The following TNNI3K variants were observed in gnomAD, a reference collection of about 807,000 sequenced individuals.
TNNI3K encodes the protein TNNI3 interacting kinase, also known as serine/threonine-protein kinase TNNI3K.
In TNNI3K, 140 loss-of-function variants were observed where a neutral mutation model predicts 114.5. The observed-to-expected ratio is 1.22, with a 90% CI of 1.07 to 1.41. The LOEUF (loss-of-function observed/expected upper bound fraction) is 1.41, where lower values mean the gene tolerates loss of function less well. Ranked by LOEUF, TNNI3K falls within the 40% of genes most tolerant of loss-of-function variation. TNNI3K has a pLI of 0.00. For synonymous variants in TNNI3K, 347 were observed against 347.5 expected, an observed-to-expected ratio of 1.00 and a Z score of 0.02; for missense variants, 1,125 against 1,007.6, an observed-to-expected ratio of 1.12 and a Z score of -1.58.
intron 17 of TNNI3K, chr1:74,375,175 G>T (rs1662843198): frequency 1.3e-5 from 2 of 155,952 alleles, no homozygotes; most frequent in Non-Finnish European, 2.9e-5. Flanking sequence ...TTCCTCATTT[G>T]TTCCCTTTAA....
intron 23 of TNNI3K, among the ~76,000 whole-genome samples, chr1:74,506,910 A>G (rs1408790356): frequency 2.0e-5 from 3 of 152,014 alleles, no homozygotes; most frequent in Non-Finnish European, 4.4e-5. Flanking sequence ...ATCTTAATTC[A>G]TTTACCACTT....
chr1:74,260,205 TTTA>T (rs1307993710), intron 4 of TNNI3K, among the ~76,000 whole-genome samples: 20 of 152,222 alleles, frequency 1.3e-4, no homozygotes, highest in African/African-American at 4.1e-4. Flanking sequence ...CTTATAATTA[TTTA>T]TTTATTTGCA....
At chr1:74,403,660 A>G (rs1200744127) in intron 17 of TNNI3K, among the ~76,000 whole-genome samples, 1 of 152,206 alleles carries the variant, frequency 6.6e-6, no homozygotes, top group African/African-American at 2.4e-5. Context: ...CTTTGTTTAC[A>G]TAAGCTAAAT....
At chr1:74,439,772 G>A in intron 20 of TNNI3K, 150 bp downstream of exon 20, 2 of 1,211,624 alleles carry the variant, frequency 1.7e-6, no homozygotes, top group Non-Finnish European at 1.1e-6. Flanking sequence ...TTTAAGGTGT[G>A]TGCCCAACCC....
chr1:74,378,381 G>A (rs370295472), intron 17 of TNNI3K, among the ~76,000 whole-genome samples: 1 of 151,330 alleles, frequency 6.6e-6, no homozygotes, highest in South Asian at 2.1e-4. Flanking sequence ...CAATACAATT[G>A]AAATTTGCAT....
intron 17 of TNNI3K, chr1:74,377,095 C>T (rs1306344353): frequency 6.6e-6 from 1 of 151,954 alleles, no homozygotes; most frequent in African/African-American, 2.4e-5. Flanking sequence ...ATTCCAATAT[C>T]TAGGCAAGGT....
Position 74,343,160 on chromosome 1 carries a change from A to G in TNNI3K, c.913A>G (p.Ser305Gly). ...TESLTKENIF[S>G]ETAFHSACTY... is the part of the protein sequence containing the mutation. ...AAGTCTGACTAAGGAAAACATCTTCAGTGAAACAGCTTTTCATAGGTAAAA... is the reference window on the plus strand; with the variant it reads ...AAGTCTGACTAAGGAAAACATCTTCGGTGAAACAGCTTTTCATAGGTAAAA... Residue 305 changes from serine (S) to glycine (G), a missense_variant, in exon 9 of 25, where the codon AGT becomes GGT. By Grantham distance (56) the Ser-to-Gly change is moderately conservative. Transcript: ENST00000326637. 1 of 1,612,426 alleles carries G rather than the reference A, an allele frequency of 6.2e-7. No individual in the cohort carries two copies. The highest frequency in any genetic ancestry group is 1.7e-5 in the Admixed American group (1 of 59,536).
At chr1:74,317,865 C>A (rs144640788) in intron 5 of TNNI3K, among the ~76,000 whole-genome samples, 1 of 152,284 alleles carries the variant, frequency 6.6e-6, no homozygotes, top group South Asian at 2.1e-4. Flanking sequence ...CAGATGGACC[C>A]GCTGATCAAT....
At chr1:74,485,709 A>G (rs1203779843) in intron 21 of TNNI3K, among the ~76,000 whole-genome samples, 1 of 152,188 alleles carries the variant, frequency 6.6e-6, no homozygotes, top group Non-Finnish European at 1.5e-5. Flanking sequence ...CTGGTCACAG[A>G]GTGGAAGTCA....
At chr1:74,485,493 G>C (rs2100276773) in intron 21 of TNNI3K, among the ~76,000 whole-genome samples, 1 of 152,248 alleles carries the variant, frequency 6.6e-6, no homozygotes, top group South Asian at 2.1e-4. Context: ...TTTGTGATAA[G>C]CAGGATTCTA....
At chr1:74,503,029 A>G (rs1463349395) in intron 23 of TNNI3K, among the ~76,000 whole-genome samples, 4 of 152,212 alleles carry the variant, frequency 2.6e-5, no homozygotes, top group Non-Finnish European at 5.9e-5. Context: ...TGATTTCTTT[A>G]TGGAACTGAG....
At chr1:74,475,376 T>C (rs547176954) in intron 21 of TNNI3K, 15 of 716,736 alleles carry the variant, frequency 2.1e-5, no homozygotes, top group Non-Finnish European at 3.4e-5. Flanking sequence ...TGAACTTTCC[T>C]TGGATTATAT....
At chr1:74,403,622 T>C (rs1475180820) in intron 17 of TNNI3K, among the ~76,000 whole-genome samples, 2 of 152,140 alleles carry the variant, frequency 1.3e-5, no homozygotes, top group African/African-American at 2.4e-5. Context: ...CCAAAATATA[T>C]ACATGAAAAA....
intron 4 of TNNI3K, among the ~76,000 whole-genome samples, chr1:74,258,693 A>T (rs1655479574): frequency 6.6e-6 from 1 of 151,996 alleles, no homozygotes; most frequent in South Asian, 2.1e-4. Flanking sequence ...TGACATTCAA[A>T]CTCCTAAATA....
intron 5 of TNNI3K, among the ~76,000 whole-genome samples, chr1:74,287,366 C>T (rs1657396418): frequency 6.6e-6 from 1 of 151,966 alleles, no homozygotes; most frequent in Non-Finnish European, 1.5e-5. Flanking sequence ...ATCCATGAAG[C>T]CCAAAGAACC....
At chr1:74,379,658 A>G (rs1663096221) in intron 17 of TNNI3K, among the ~76,000 whole-genome samples, 3 of 152,238 alleles carry the variant, frequency 2.0e-5, no homozygotes, top group South Asian at 2.1e-4. Flanking sequence ...ACAGAGATTC[A>G]CTATCCAACT....
chr1:74,411,530 G>A (rs1291296491), intron 17 of TNNI3K, among the ~76,000 whole-genome samples: 2 of 151,052 alleles, frequency 1.3e-5, no homozygotes, highest in African/African-American at 4.9e-5. Context: ...CTGACACACA[G>A]GTCTTGTCCA....
chr1:74,265,942 A>G (rs1655954936), intron 4 of TNNI3K, among the ~76,000 whole-genome samples: 1 of 152,032 alleles, frequency 6.6e-6, no homozygotes, highest in South Asian at 2.1e-4. Context: ...ATTATATGGT[A>G]GTACTATGGG....
At chr1:74,435,343 T>G (rs1480612850) in intron 17 of TNNI3K, among the ~76,000 whole-genome samples, 1 of 152,106 alleles carries the variant, frequency 6.6e-6, no homozygotes, top group Admixed American at 6.6e-5. Flanking sequence ...CAAGGTGATG[T>G]GACATATGTA....
Sources: allele counts gnomAD v4.1 joint callset (sites outside exome capture counted in the v4.1 genomes callset), GRCh38; gene constraint gnomAD v4.1.1; transcripts MANE v1.5; gene names NCBI Gene and HGNC (gene_info 2026-07-23, HGNC 2026-07-21).